SLIT2: variants seen among roughly 807,000 people sequenced by gnomAD.
SLIT2 encodes slit homolog 2 protein.
SLIT2 carries 41 observed loss-of-function variants against 185.7 expected under a neutral mutation model. That is an observed-to-expected ratio of 0.22 (90% CI 0.17 to 0.29). The LOEUF is 0.29. Ranked by LOEUF, SLIT2 falls within the 10% of genes least tolerant of loss-of-function variation. The pLI is 1.00. For synonymous variants in SLIT2, 693 were observed against 680.2 expected (o/e 1.02, Z -0.29); for missense variants, 1,571 against 1,909.0 (o/e 0.82, Z 3.30).
At chr4:20,490,792 C>T (rs921137554) in intron 8 of SLIT2, 31 of 1,511,098 alleles carry the variant, frequency 2.1e-5, no homozygotes, top group African/African-American at 4.2e-5. Context: ...TTTTTCCTTT[C>T]TGTTTTCTAG....
intron 29 of SLIT2, among the ~76,000 whole-genome samples, chr4:20,569,791 CACTCT>C (rs1325613043): frequency 1.3e-5 from 2 of 151,994 alleles, no homozygotes; most frequent in African/African-American, 4.8e-5. Context: ...TAATTTTGAT[CACTCT>C]ACTCAAAGTT....
chr4:20,324,224 C>G (rs1719349381), intron 4 of SLIT2, among the ~76,000 whole-genome samples: 1 of 151,948 alleles, frequency 6.6e-6, no homozygotes, highest in Non-Finnish European at 1.5e-5. Context: ...CATGACACAA[C>G]CAGCTTGCTA....
chr4:20,518,587 A>ATTTTTT (rs71181568), intron 11 of SLIT2, among the ~76,000 whole-genome samples: 1 of 17,860 alleles, frequency 5.6e-5, no homozygotes, highest in Non-Finnish European at 9.0e-5. Context: ...ATATATATAT[A>ATTTTTT]TTTTTTTTTT....
At chr4:20,412,789 C>G (rs1361019133) in intron 4 of SLIT2, among the ~76,000 whole-genome samples, 1 of 151,754 alleles carries the variant, frequency 6.6e-6, no homozygotes, top group Non-Finnish European at 1.5e-5. Flanking sequence ...TTTCCATAAC[C>G]CCAAAAAGAA....
chr4:20,550,369 G>C (rs914174740), intron 24 of SLIT2, among the ~76,000 whole-genome samples: 1 of 150,416 alleles, frequency 6.6e-6, no homozygotes. Flanking sequence ...TATGCTTGCA[G>C]GGGTTTTTTT....
chr4:20,510,453 G>C, intron 9 of SLIT2, 42 bp from the exon 10 acceptor site: 2 of 1,265,488 alleles, frequency 1.6e-6, no homozygotes, highest in Non-Finnish European at 2.3e-6. Context: ...ATGTCCGAAG[G>C]TTCACATTTC....
chr4:20,607,035 A>T (rs562224286), intron 33 of SLIT2, among the ~76,000 whole-genome samples: 5 of 152,304 alleles, frequency 3.3e-5, no homozygotes, highest in Middle Eastern at 6.8e-3. Context: ...CACTAACTAG[A>T]TGTGTCACCT....
chr4:20,255,149 G>T, intron 1 of SLIT2: 2 of 427,830 alleles, frequency 4.7e-6, no homozygotes, highest in South Asian at 3.3e-5. Flanking sequence ...GCAGGGGCCA[G>T]CGCGTCTGGA....
At chr4:20,278,389 C>G (rs944530839) in intron 4 of SLIT2, among the ~76,000 whole-genome samples, 5 of 152,136 alleles carry the variant, frequency 3.3e-5, no homozygotes, top group Non-Finnish European at 7.4e-5. Context: ...TTACAAAACA[C>G]TACTGAGCAA....
intron 4 of SLIT2, among the ~76,000 whole-genome samples, chr4:20,405,667 T>A (rs1726720458): frequency 6.6e-6 from 1 of 152,068 alleles, no homozygotes; most frequent in African/African-American, 2.4e-5. Context: ...TGGTCCATGG[T>A]GGCCATAATG....
chr4:20,542,495 A>G lies in SLIT2; in HGVS notation c.2145A>G (p.Gly715=), dbSNP rs777003500. 4.8e-5 allele frequency: 78 copies of G among 1,613,228 alleles called. 1 individual carries two copies. The highest frequency in any genetic ancestry group is 3.1e-4 in the South Asian group (28 of 90,896). ...TCCTGTATTTCCTCTGCGATTTAGG[A>G]AATGATGACAATAGTTGCTCCCCAC... ...VAIQDFTCDD[G]NDDNSCSPLS... is the part of the protein sequence containing the mutation. The change falls in exon 21 of 37, where the codon GGA becomes GGG. Residue 715 remains glycine (G), a splice_region_variant and synonymous_variant. Transcript: ENST00000504154.
chr4:20,594,577 A>G (rs775231356), intron 30 of SLIT2, among the ~76,000 whole-genome samples: 9 of 151,976 alleles, frequency 5.9e-5, no homozygotes, highest in Admixed American at 2.0e-4. Context: ...TAGGGATTCT[A>G]TGGTCCCCTA....
At chr4:20,398,597 C>T (rs1039531794) in intron 4 of SLIT2, among the ~76,000 whole-genome samples, 5 of 151,678 alleles carry the variant, frequency 3.3e-5, no homozygotes, top group African/African-American at 1.2e-4. Context: ...TGGCACTTTC[C>T]TCGCTAGCTG....
At chr4:20,506,080 CAT>C (rs1225622192) in intron 9 of SLIT2, among the ~76,000 whole-genome samples, 1 of 150,066 alleles carries the variant, frequency 6.7e-6, no homozygotes, top group East Asian at 1.9e-4. Flanking sequence ...GCTTTGGTTT[CAT>C]GTGTGTGTAT....
intron 17 of SLIT2, among the ~76,000 whole-genome samples, chr4:20,532,821 A>G (rs747525561): frequency 4.3e-4 from 66 of 152,328 alleles, no homozygotes; most frequent in Non-Finnish European, 5.3e-4. Context: ...TTTCACTGTT[A>G]TGAAATGTAC....
At chr4:20,294,597 G>A (rs1444735627) in intron 4 of SLIT2, among the ~76,000 whole-genome samples, 1 of 152,142 alleles carries the variant, frequency 6.6e-6, no homozygotes, top group Non-Finnish European at 1.5e-5. Flanking sequence ...GCTCTAAGAG[G>A]AAGGAAAGGA....
At chr4:20,442,076 G>A (rs1729795046) in intron 4 of SLIT2, among the ~76,000 whole-genome samples, 2 of 152,120 alleles carry the variant, frequency 1.3e-5, no homozygotes, top group African/African-American at 4.8e-5. Context: ...AGAGGAAAAA[G>A]GTTGGGGAAA....
chr4:20,509,902 CA>C (rs756066834), intron 9 of SLIT2, among the ~76,000 whole-genome samples: 1 of 152,094 alleles, frequency 6.6e-6, no homozygotes, highest in Non-Finnish European at 1.5e-5. Context: ...GAAATATTCA[CA>C]AAATGAATCC....
intron 11 of SLIT2, among the ~76,000 whole-genome samples, chr4:20,512,616 A>G (rs1164795907): frequency 6.6e-6 from 1 of 152,188 alleles, no homozygotes; most frequent in Non-Finnish European, 1.5e-5. Context: ...CAGATCACCC[A>G]GTCAGATTGT....
Sources: allele counts gnomAD v4.1 joint callset (sites outside exome capture counted in the v4.1 genomes callset), GRCh38; gene constraint gnomAD v4.1.1; transcripts MANE v1.5; gene names NCBI Gene and HGNC (gene_info 2026-07-23, HGNC 2026-07-21).